The following NFAT5 variants were observed in gnomAD, a reference collection of about 807,000 sequenced individuals.
NFAT5 encodes nuclear factor of activated T-cells 5.
A neutral mutation model predicts 166.5 loss-of-function variants in NFAT5; 31 were observed. That is an observed-to-expected ratio of 0.19 (90% CI 0.14 to 0.25). The LOEUF (loss-of-function observed/expected upper bound fraction) is 0.25, where lower values mean the gene tolerates loss of function less well. Ranked by LOEUF, NFAT5 falls within the 10% of genes least tolerant of loss-of-function variation. The probability of loss-of-function intolerance (pLI) is 1.00; values close to 1 mark genes in which losing one functional copy is unlikely to be tolerated. For synonymous variants in NFAT5, 612 were observed against 639.7 expected, an observed-to-expected ratio of 0.96 and a Z score of 0.65; for missense variants, 1,449 against 1,821.8, an observed-to-expected ratio of 0.80 and a Z score of 3.72.
chr16:69,626,318 AAAGACAT>A lies in NFAT5; in HGVS notation c.128-83_128-77del. On this transcript the variant is annotated intron_variant, in intron 2 of 14. Coordinates refer to ENST00000349945, the MANE Select transcript of NFAT5 (RefSeq NM_138713.4). ...ATAATACAGTTCTCCTCATGAGAGA[AAAGACAT>A]ACTCATTTTGTGCATATTAGATTGT... 3 of 1,251,128 alleles carry A rather than the reference AAAGACAT, an allele frequency of 2.4e-6. No individual in the cohort carries two copies. In the South Asian group the frequency reaches 5.2e-5, roughly 22 times the overall value. The allele number at this position is 1,251,128 out of a possible 1,614,324, so 77.5% of individuals were successfully genotyped here. A position where few individuals can be genotyped will look rare whatever the true frequency, so the allele number is the denominator to read the frequency against.
chr16:69,613,994 A>G (rs2033821563), intron 2 of NFAT5, among the ~76,000 whole-genome samples: 1 of 152,248 alleles, frequency 6.6e-6, no homozygotes, highest in South Asian at 2.1e-4. Context: ...TTATATGACC[A>G]AGAGAAGACT....
intron 2 of NFAT5, among the ~76,000 whole-genome samples, chr16:69,587,113 C>G (rs1042498046): frequency 6.6e-6 from 1 of 152,030 alleles, no homozygotes; most frequent in Admixed American, 6.6e-5. Flanking sequence ...GACAAAGTCT[C>G]GCTCTGTAGC....
chr16:69,568,370 GTGTGTGTATATATA>G (rs1567505488), intron 1 of NFAT5, 111 bp from the exon 2 acceptor site: 78 of 387,374 alleles, frequency 2.0e-4, no homozygotes, highest in African/African-American at 1.0e-3. Flanking sequence ...GTGTGTGTGT[GTGTGTGTATATATA>G]TATATATATA....
chr16:69,693,629 GCAGCAGCAGCAGCAACAGCAGCAGCAA>G lies in NFAT5; in HGVS notation c.3816_3842del (p.Gln1276_Gln1284del), dbSNP rs1227100700. 6 of 1,608,586 alleles carry G rather than the reference GCAGCAGCAGCAGCAACAGCAGCAGCAA, an allele frequency of 3.7e-6. No individual in the cohort carries two copies. The highest frequency in any genetic ancestry group is 5.1e-6 in the Non-Finnish European group (6 of 1,176,310). ...AGAGTAACTCTCCATCCCAGGAACA[GCAGCAGCAGCAGCAACAGCAGCAGCAA>G]CAGCAGCAGCAACAACAACAGAGCA... On this transcript the variant is annotated inframe_deletion, in exon 13 of 15. Transcript: ENST00000349945.
chr16:69,604,678 A>C (rs2033311338), intron 2 of NFAT5, among the ~76,000 whole-genome samples: 1 of 152,150 alleles, frequency 6.6e-6, no homozygotes, highest in Non-Finnish European at 1.5e-5. Context: ...TCTGGTTCAA[A>C]GCCATTTTTA....
At chr16:69,608,984 G>C (rs750450796) in intron 2 of NFAT5, among the ~76,000 whole-genome samples, 20 of 151,520 alleles carry the variant, frequency 1.3e-4, no homozygotes, top group Non-Finnish European at 2.4e-4. Context: ...AGCCAGGCGT[G>C]GTGGCAGGCA....
At chr16:69,603,555 C>T (rs1274719624) in intron 2 of NFAT5, among the ~76,000 whole-genome samples, 1 of 152,092 alleles carries the variant, frequency 6.6e-6, no homozygotes, top group Non-Finnish European at 1.5e-5. Context: ...AGTTTGAGAC[C>T]AGCCTGGGCA....
At chr16:69,688,145 G>A (rs1481698340) in intron 11 of NFAT5, among the ~76,000 whole-genome samples, 2 of 144,016 alleles carry the variant, frequency 1.4e-5, no homozygotes, top group African/African-American at 2.5e-5. Context: ...GCAGTGAGCC[G>A]AGATTGCGCC....
intron 2 of NFAT5, among the ~76,000 whole-genome samples, chr16:69,569,674 T>G (rs1466021632): frequency 6.6e-6 from 1 of 152,242 alleles, no homozygotes; most frequent in African/African-American, 2.4e-5. Flanking sequence ...TGAGCTAATG[T>G]GTATTAAATT....
intron 2 of NFAT5, among the ~76,000 whole-genome samples, chr16:69,601,495 G>T (rs1359796096): frequency 6.6e-6 from 1 of 152,134 alleles, no homozygotes; most frequent in Non-Finnish European, 1.5e-5. Flanking sequence ...GGCCTTTCAA[G>T]TGGCTAGGAC....
intron 3 of NFAT5, among the ~76,000 whole-genome samples, chr16:69,630,226 C>A (rs1201997350): frequency 6.6e-6 from 1 of 152,054 alleles, no homozygotes; most frequent in Non-Finnish European, 1.5e-5. Flanking sequence ...TCTTACTATG[C>A]TGCTTCTCCA....
chr16:69,596,349 T>TA (rs1436901925), intron 2 of NFAT5, among the ~76,000 whole-genome samples: 1 of 152,158 alleles, frequency 6.6e-6, no homozygotes, highest in Non-Finnish European at 1.5e-5. Context: ...TCATAGATAA[T>TA]AAAACCCAAA....
At position 69,692,938 on chromosome 16, in the gene NFAT5, A is replaced by C; in HGVS notation, c.3113A>C (p.Gln1038Pro). ...QMQHSGDNQP[Q>P]VNLFSSTKSM... is the part of the protein sequence containing the mutation. The stretch of plus-strand genomic sequence containing the variant: ...CAACATAGTGGGGACAATCAACCTC[A>C]AGTTAACCTTTTTTCATCCACAAAA... Residue 1038 changes from glutamine to proline, a missense_variant, in exon 13 of 15, where the codon CAA becomes CCA. Coordinates refer to ENST00000349945, the MANE Select transcript of NFAT5 (RefSeq NM_138713.4). 6.2e-7 allele frequency: 1 copy of C among 1,614,162 alleles called. No individual in the cohort carries two copies. The highest frequency in any genetic ancestry group is 1.3e-5 in the African/African-American group (1 of 75,052).
intron 2 of NFAT5, among the ~76,000 whole-genome samples, chr16:69,615,559 C>T (rs1168580647): frequency 6.6e-6 from 1 of 151,678 alleles, no homozygotes; most frequent in South Asian, 2.1e-4. Flanking sequence ...TATGTCTGTA[C>T]ACACACACAC....
rs1321598756 is a variant in NFAT5 at position 69,669,978 on chromosome 16, T to C, written c.1371T>C (p.Thr457=). 1 of 1,594,200 alleles carries C rather than the reference T, an allele frequency of 6.3e-7. No homozygotes were observed. Among genetic ancestry groups the C allele is most frequent in the East Asian group, 2.3e-5 (1 of 44,206 alleles). Residue 457 remains threonine (T), a splice_region_variant and synonymous_variant, in exon 8 of 15, where the codon ACT becomes ACC. Transcript: ENST00000349945. The stretch of plus-strand genomic sequence containing the variant: ...TAGAATGCTTATGTATCTCCACAGC[T>C]CAGCCAGCAGGAGTGCCAGAAATCT... The part of the protein sequence containing the change: ...LQTPSSPILC[T]QPAGVPEILK...
At chr16:69,583,254 C>T (rs2031818247) in intron 2 of NFAT5, among the ~76,000 whole-genome samples, 1 of 151,864 alleles carries the variant, frequency 6.6e-6, no homozygotes, top group Non-Finnish European at 1.5e-5. Flanking sequence ...TGCTGGAGTG[C>T]AGTGGCATGA....
chr16:69,618,936 A>G (rs1290944382), intron 2 of NFAT5, among the ~76,000 whole-genome samples: 1 of 152,152 alleles, frequency 6.6e-6, no homozygotes, highest in Non-Finnish European at 1.5e-5. Flanking sequence ...CTTTTTTACC[A>G]CAGATATTTA....
intron 2 of NFAT5, among the ~76,000 whole-genome samples, chr16:69,596,256 T>C (rs1353329160): frequency 6.6e-6 from 1 of 152,200 alleles, no homozygotes; most frequent in Non-Finnish European, 1.5e-5. Flanking sequence ...ACACTAGTCT[T>C]GTACTTTGCT....
At chr16:69,599,197 A>G (rs987765042) in intron 2 of NFAT5, among the ~76,000 whole-genome samples, 2 of 134,466 alleles carry the variant, frequency 1.5e-5, no homozygotes, top group African/African-American at 6.2e-5. Flanking sequence ...AGTAATGACT[A>G]CATAACTTTG....
Sources: allele counts gnomAD v4.1 joint callset (sites outside exome capture counted in the v4.1 genomes callset), GRCh38; gene constraint gnomAD v4.1.1; transcripts MANE v1.5; gene names NCBI Gene and HGNC (gene_info 2026-07-23, HGNC 2026-07-21).